The following ARHGAP30 variants were observed in gnomAD, a reference collection of about 807,000 sequenced individuals.
The protein encoded by ARHGAP30 is rho GTPase-activating protein 30.
In ARHGAP30, 23 loss-of-function variants were observed where a neutral mutation model predicts 72.0. The observed-to-expected ratio is 0.32, with a 90% CI of 0.23 to 0.45. ARHGAP30 has a LOEUF of 0.45. ARHGAP30 is among the 20% of genes least tolerant of loss of function. The pLI is 1.00. For synonymous variants in ARHGAP30, 576 were observed against 528.2 expected, an observed-to-expected ratio of 1.09 and a Z score of -1.24; for missense variants, 1,319 against 1,383.4, an observed-to-expected ratio of 0.95 and a Z score of 0.74.
intron 6 of ARHGAP30, 189 bp downstream of exon 6, chr1:161,053,069 C>T (rs1651537075): frequency 2.2e-5 from 21 of 945,784 alleles, no homozygotes; most frequent in Non-Finnish European, 1.4e-5. Context: ...TCAAGCCATG[C>T]CCTAGACTGA....
At position 161,061,382 on chromosome 1, in the gene ARHGAP30, T is replaced by C. The variant is rs193039191; in HGVS notation, c.98-1666A>G. ...GGTTTCACCATGTTGGCCAGGCTGG[T>C]CTCGTACTCCTGACCTCAGGTGAGC... On this transcript the variant is annotated intron_variant, in intron 1 of 11. Coordinates refer to ENST00000368013, the MANE Select transcript of ARHGAP30 (RefSeq NM_001025598.2). 1.3e-3 allele frequency among the ~76,000 whole-genome samples: 198 copies of C among 151,632 alleles called. 1 individual carries two copies. The highest frequency in any genetic ancestry group is 4.8e-3 in the African/African-American group (198 of 41,068).
At chr1:161,061,329 C>G (rs12090717) in intron 1 of ARHGAP30, among the ~76,000 whole-genome samples, 1 of 149,174 alleles carries the variant, frequency 6.7e-6, no homozygotes, top group Non-Finnish European at 1.5e-5. Context: ...CCACGCCCAG[C>G]TAATTTTTGT....
intron 1 of ARHGAP30, among the ~76,000 whole-genome samples, chr1:161,063,348 T>C (rs1275128524): frequency 6.6e-6 from 1 of 152,208 alleles, no homozygotes; most frequent in African/African-American, 2.4e-5. Context: ...CATTTATTAG[T>C]TCCCCAAATT....
Position 161,048,332 on chromosome 1 carries a change from C to T in ARHGAP30, c.2689G>A (p.Glu897Lys). Reference sequence around the variant, plus strand: ...CTGGGCTGCCCCTCAGGCTCCATCTCCTCTGGCTGAGGTGGCTGTGGGGCT... The same window carrying T: ...CTGGGCTGCCCCTCAGGCTCCATCTTCTCTGGCTGAGGTGGCTGTGGGGCT... ...EVAPQPPQPE[E>K]MEPEGQPSPD... The change falls in exon 12 of 12, where the codon GAG becomes AAG. Residue 897 changes from glutamate to lysine, a missense_variant. By Grantham distance (56) the Glu-to-Lys change is moderately conservative (BLOSUM62 1). This residue lies in a region of ARHGAP30 where 1,097 missense variants were observed against 1,045.2 expected (regional missense o/e 1.05). Transcript: ENST00000368013. 6.2e-7 allele frequency: 1 copy of T among 1,614,218 alleles called. No individual in the cohort carries two copies. The highest frequency in any genetic ancestry group is 8.5e-7 in the Non-Finnish European group (1 of 1,180,044).
At chr1:161,058,875 G>GA (rs1652108784) in intron 2 of ARHGAP30, among the ~76,000 whole-genome samples, 2 of 137,600 alleles carry the variant, frequency 1.5e-5, no homozygotes, top group African/African-American at 5.4e-5. Context: ...AAAAAAAAAA[G>GA]AAAGAAATGT....
chr1:161,052,932 G>T, intron 6 of ARHGAP30, 135 bp from the exon 7 acceptor site: 1 of 1,126,316 alleles, frequency 8.9e-7, no homozygotes, highest in Non-Finnish European at 1.2e-6. Flanking sequence ...GTGCCTCCAT[G>T]TCCATCACCT....
chr1:161,051,399 ACGG>A lies in ARHGAP30; in HGVS notation c.1332_1334del (p.Arg445del). ...GCTGTAGAGCAGGGCACTCAAGGCC[ACGG>A]GTGAGCCTGGCCAAGGAAACGTTAG... On this transcript the variant is annotated inframe_deletion, in exon 10 of 12. Transcript: ENST00000368013. The A allele has an allele frequency of 6.2e-7, 1 of 1,614,058 alleles. No individual in the cohort carries two copies. Among genetic ancestry groups the A allele is most frequent in the East Asian group, 2.2e-5 (1 of 44,878 alleles).
At chr1:161,056,185 G>A (rs113916710) in intron 3 of ARHGAP30, among the ~76,000 whole-genome samples, 10 of 152,300 alleles carry the variant, frequency 6.6e-5, no homozygotes, top group African/African-American at 2.4e-4. Context: ...GAGAGAGAGT[G>A]AAGAGAAAAG....
chr1:161,054,202 G>T (rs1372234869), intron 5 of ARHGAP30, among the ~76,000 whole-genome samples, 164 bp downstream of exon 5: 1 of 152,146 alleles, frequency 6.6e-6, no homozygotes, highest in African/African-American at 2.4e-5. Flanking sequence ...AATAGATGGG[G>T]CCCATCCGAC....
At chr1:161,054,285 A>G in intron 5 of ARHGAP30, 81 bp downstream of exon 5, 2 of 1,278,966 alleles carry the variant, frequency 1.6e-6, no homozygotes, top group Non-Finnish European at 1.1e-6. Context: ...GTACCCACAC[A>G]GTCACACCTC....
intron 1 of ARHGAP30, among the ~76,000 whole-genome samples, chr1:161,065,108 A>C (rs1380339358): frequency 6.6e-6 from 1 of 152,116 alleles, no homozygotes; most frequent in Non-Finnish European, 1.5e-5. Context: ...CTGAGTAGCC[A>C]GGACTACAGG....
In ARHGAP30 at chr1:161,048,364, T is replaced by C. The variant is rs1161308271; in HGVS notation, c.2657A>G (p.Glu886Gly). The change falls in exon 12 of 12, where the codon GAA (glutamate) becomes GGA (glycine). Residue 886 changes from glutamate (E) to glycine (G), a missense_variant. Glu to Gly is a moderately conservative substitution (Grantham distance 98). Transcript: ENST00000368013. ...KEGNPHSSEMEEVAPQPPQPE... is the reference protein window; with the variant it reads ...KEGNPHSSEMGEVAPQPPQPE... ...CTGAGGTGGCTGTGGGGCTACCTCT[T>C]CCATCTCAGAAGAGTGAGGATTGCC... The C allele has an allele frequency of 2.5e-6, 4 of 1,614,108 alleles. No individual in the cohort carries two copies. In the Admixed American group the frequency reaches 6.7e-5, roughly 27 times the overall value.
At chr1:161,050,879 T>A (rs2102032324) in intron 10 of ARHGAP30, among the ~76,000 whole-genome samples, 1 of 152,286 alleles carries the variant, frequency 6.6e-6, no homozygotes, top group East Asian at 1.9e-4. Flanking sequence ...TGACCTCAGG[T>A]GATCTGCCTG....
At position 161,059,653 on chromosome 1, in the gene ARHGAP30, T is replaced by C; in HGVS notation, c.161A>G (p.Tyr54Cys). The change falls in exon 2 of 12, where the codon TAC (tyrosine) becomes TGC (cysteine). Residue 54 changes from tyrosine (Y) to cysteine (C), a missense_variant. Physicochemically the swap from Tyr to Cys is radical, Grantham distance 194. Coordinates refer to ENST00000368013, the MANE Select transcript of ARHGAP30 (RefSeq NM_001025598.2). ...VEEYGVVDGIYRLSGVSSNIQ... is the reference protein window; with the variant it reads ...VEEYGVVDGICRLSGVSSNIQ... ...GTTGGAGGAGACCCCTGAGAGGCGG[T>C]AGATCCCATCCACCACTCCATACTC... 1.2e-6 allele frequency: 2 copies of C among 1,613,674 alleles called. No homozygotes were observed. The highest frequency in any genetic ancestry group is 1.7e-6 in the Non-Finnish European group (2 of 1,179,812).
At chr1:161,059,575 C>T in intron 2 of ARHGAP30, 39 bp downstream of exon 2, 1 of 1,560,618 alleles carries the variant, frequency 6.4e-7, no homozygotes, top group Non-Finnish European at 8.8e-7. Flanking sequence ...GGCTCCCTGG[C>T]CTCCTGGTCA....
At chr1:161,050,073 C>T (rs1243583898) in intron 10 of ARHGAP30, among the ~76,000 whole-genome samples, 1 of 152,150 alleles carries the variant, frequency 6.6e-6, no homozygotes, top group East Asian at 1.9e-4. Flanking sequence ...CATGTTCTTA[C>T]CCACTATCCT....
intron 1 of ARHGAP30, among the ~76,000 whole-genome samples, chr1:161,064,786 AG>A (rs1467965708): frequency 1.4e-5 from 1 of 72,532 alleles, no homozygotes; most frequent in African/African-American, 7.9e-5. Context: ...AGAAAAAGAA[AG>A]AAAGAAAGAA....
At chr1:161,066,584 G>A (rs1652789227) in intron 1 of ARHGAP30, among the ~76,000 whole-genome samples, 1 of 140,570 alleles carries the variant, frequency 7.1e-6, no homozygotes, top group Non-Finnish European at 1.5e-5. Context: ...GGTCGAGGTT[G>A]CAGTAAGCCA....
At chr1:161,063,035 A>T (rs1037946474) in intron 1 of ARHGAP30, among the ~76,000 whole-genome samples, 1 of 151,840 alleles carries the variant, frequency 6.6e-6, no homozygotes, top group African/African-American at 2.4e-5. Flanking sequence ...GCTGTCTCGA[A>T]CTCCCGACCT....
Sources: gnomAD v4.1 joint callset for allele counts (sites outside exome capture counted in the v4.1 genomes callset) on GRCh38, gnomAD v4.1.1 for gene constraint, gnomAD v4.1.1 regional missense constraint, MANE v1.5 for transcripts, NCBI Gene and HGNC (gene_info 2026-07-23, HGNC 2026-07-21) for gene names.